USP25: variants seen among roughly 807,000 people sequenced by gnomAD.
USP25 encodes the protein ubiquitin carboxyl-terminal hydrolase 25.
Under a neutral mutation model 158.5 loss-of-function variants are expected in USP25, and 85 were observed. The ratio of observed to expected loss-of-function variants is 0.54; its 90% CI spans 0.45 to 0.64. The LOEUF (loss-of-function observed/expected upper bound fraction) is 0.64. USP25 is among the 30% of genes least tolerant of loss of function. The pLI, the probability that USP25 is intolerant of heterozygous loss-of-function variation, is 0.00. For synonymous variants in USP25, 464 were observed against 460.4 expected (o/e 1.01, Z -0.10); for missense variants, 1,242 against 1,327.3 (o/e 0.94, Z 1.00).
Position 15,837,668 on chromosome 21 carries a change from A to T in USP25, c.2194+4120A>T, listed in dbSNP as rs1601083010. 2.6e-5 allele frequency among the ~76,000 whole-genome samples: 4 copies of T among 152,358 alleles called. No individual in the cohort carries two copies. In the South Asian group the frequency reaches 8.3e-4, roughly 32 times the overall value. ...ATTACTCTTGTCTTATCCAAGAAGT[A>T]TCTGAAGTCCTTACAATATAGCACA... On this transcript the variant is annotated intron_variant, in intron 17 of 25. Transcript: ENST00000400183.
chr21:15,828,877 T>C (rs2037659254), intron 14 of USP25, among the ~76,000 whole-genome samples: 2 of 152,258 alleles, frequency 1.3e-5, no homozygotes, highest in South Asian at 2.1e-4. Flanking sequence ...GACCTTGTTA[T>C]CCGCCCACCT....
chr21:15,849,754 A>C (rs201781404), intron 19 of USP25, 23 bp from the exon 20 acceptor site: 5 of 1,495,828 alleles, frequency 3.3e-6, no homozygotes, highest in Non-Finnish European at 4.4e-6. Flanking sequence ...CCTTTTTTTA[A>C]TGTTAACTAT....
chr21:15,803,873 A>T (rs1269382942), intron 6 of USP25, among the ~76,000 whole-genome samples: 1 of 151,874 alleles, frequency 6.6e-6, no homozygotes, highest in Non-Finnish European at 1.5e-5. Context: ...TTCTAGAAGC[A>T]ATTCTTTCTA....
At chr21:15,867,396 C>A (rs2039703417) in intron 22 of USP25, among the ~76,000 whole-genome samples, 1 of 151,876 alleles carries the variant, frequency 6.6e-6, no homozygotes, top group Non-Finnish European at 1.5e-5. Context: ...TTGATGAAAA[C>A]CTTAGCTAGT....
intron 4 of USP25, among the ~76,000 whole-genome samples, chr21:15,783,260 A>ACAC (rs1405114264): frequency 6.6e-6 from 1 of 152,182 alleles, no homozygotes; most frequent in Non-Finnish European, 1.5e-5. Flanking sequence ...GACTTATCAG[A>ACAC]CACCATTAAG....
Position 15,878,793 on chromosome 21 carries a change from C to A in USP25, c.*318C>A, listed in dbSNP as rs1568924708. 4.3e-6 allele frequency: 1 copy of A among 233,030 alleles called. No homozygotes were observed. Among genetic ancestry groups the A allele is most frequent in the Non-Finnish European group, 8.4e-6 (1 of 118,764 alleles). 14.4% of individuals were successfully genotyped at this position (233,030 alleles called of 1,614,324 possible). A position where few individuals can be genotyped will look rare whatever the true frequency, so the allele number is the denominator to read the frequency against. ...TATCTTTTCTTTCTCAACAGCTTTC[C>A]ATTCAGTCTGGATCCTTCCATGACT... is the stretch of plus-strand genomic sequence containing the variant. On this transcript the variant is annotated 3_prime_UTR_variant, in exon 26 of 26. Coordinates refer to ENST00000400183, the MANE Select transcript of USP25 (RefSeq NM_001283041.3).
Position 15,749,616 on chromosome 21 carries a change from A to T in USP25, c.46-13275A>T, listed in dbSNP as rs80290068. Among the ~76,000 whole-genome samples the T allele has an allele frequency of 5.6e-3, 852 of 152,356 alleles. 11 individuals carry two copies. The highest frequency in any genetic ancestry group is 0.019 in the African/African-American group (799 of 41,588). ...TTAAGCAGACTGAGAAATAGATAAC[A>T]TACAAAAAGCTTTTAAATTGGTAGT... On this transcript the variant is annotated intron_variant, in intron 1 of 25. Transcript: ENST00000400183.
intron 4 of USP25, among the ~76,000 whole-genome samples, chr21:15,785,521 C>T (rs1397293094): frequency 1.3e-5 from 2 of 152,018 alleles, no homozygotes; most frequent in Non-Finnish European, 2.9e-5. Flanking sequence ...ACAAGAAAAA[C>T]GTTAGAAACC....
chr21:15,863,888 T>A (rs529689478), intron 20 of USP25, among the ~76,000 whole-genome samples: 1 of 151,850 alleles, frequency 6.6e-6, no homozygotes, highest in South Asian at 2.1e-4. Context: ...TACAAAAAAT[T>A]TAGCTGGGCG....
intron 16 of USP25, among the ~76,000 whole-genome samples, chr21:15,832,715 A>C (rs1337963016): frequency 6.8e-6 from 1 of 146,010 alleles, no homozygotes; most frequent in East Asian, 2.0e-4. Flanking sequence ...TCACTGTTAG[A>C]GTAGCAAAGA....
intron 9 of USP25, among the ~76,000 whole-genome samples, chr21:15,813,141 G>A (rs1305131908): frequency 6.6e-6 from 1 of 152,000 alleles, no homozygotes; most frequent in Non-Finnish European, 1.5e-5. Context: ...TAACTGTAGT[G>A]GATCATGAAT....
At chr21:15,783,336 A>C (rs1186496378) in intron 4 of USP25, among the ~76,000 whole-genome samples, 1 of 152,186 alleles carries the variant, frequency 6.6e-6, no homozygotes, top group Admixed American at 6.5e-5. Context: ...TAGACCACCC[A>C]TTTGGTTAAA....
intron 22 of USP25, among the ~76,000 whole-genome samples, chr21:15,867,512 C>G (rs911498388): frequency 2.6e-5 from 4 of 151,922 alleles, no homozygotes; most frequent in Admixed American, 2.0e-4. Context: ...GCACTGAAAG[C>G]TTAAAATTTT....
At chr21:15,833,617 T>C (rs892688060) in intron 17 of USP25, 69 bp downstream of exon 17, 13 of 1,381,824 alleles carry the variant, frequency 9.4e-6, no homozygotes, top group Non-Finnish European at 1.2e-5. Context: ...TGCTCATTAT[T>C]AAAAAGTTTT....
At chr21:15,730,999 T>C (rs1368997577) in intron 1 of USP25, among the ~76,000 whole-genome samples, 2 of 143,814 alleles carry the variant, frequency 1.4e-5, no homozygotes, top group African/African-American at 2.7e-5. Flanking sequence ...TTTTTTTTTT[T>C]TTCAATATAG....
chr21:15,866,306 A>G lies in USP25; in HGVS notation c.2767A>G (p.Met923Val). 1 of 1,605,782 alleles carries G rather than the reference A, an allele frequency of 6.2e-7. No individual in the cohort carries two copies. Among genetic ancestry groups the G allele is most frequent in the Non-Finnish European group, 8.5e-7 (1 of 1,176,170 alleles). Reference sequence around the variant, plus strand: ...GAAAGTTGCTCAAGCCAAACTGGAAATGATAAAACCTGAAGAAGTAAACTT... The same window carrying G: ...GAAAGTTGCTCAAGCCAAACTGGAAGTGATAAAACCTGAAGAAGTAAACTT... ...IMKVAQAKLEMIKPEEVNLEE... is the reference protein window; with the variant it reads ...IMKVAQAKLEVIKPEEVNLEE... Residue 923 changes from methionine (M) to valine (V), a missense_variant, in exon 22 of 26, where the codon ATG becomes GTG. By Grantham distance (21) the Met-to-Val change is conservative. Coordinates refer to ENST00000400183, the MANE Select transcript of USP25 (RefSeq NM_001283041.3).
chr21:15,786,589 A>T (rs1019425536), intron 4 of USP25, among the ~76,000 whole-genome samples: 20 of 152,108 alleles, frequency 1.3e-4, no homozygotes, highest in African/African-American at 4.6e-4. Flanking sequence ...CATGATAAAA[A>T]CTCTCAAAAT....
intron 1 of USP25, among the ~76,000 whole-genome samples, chr21:15,751,429 T>C (rs757650950): frequency 2.4e-4 from 36 of 152,254 alleles, no homozygotes; most frequent in Non-Finnish European, 4.1e-4. Context: ...TTCAGAGTTC[T>C]ACTTAGAGCA....
rs1425132962 is a variant in USP25 at position 15,774,304 on chromosome 21, A to G, written c.269-3600A>G. 3.9e-5 allele frequency among the ~76,000 whole-genome samples: 6 copies of G among 152,320 alleles called. No homozygotes were observed. In the East Asian group the frequency reaches 1.2e-3, roughly 29 times the overall value. ...AGATTTCTTTTTAAATGCTTGAAGA[A>G]TGTCTACTATAAGAAAAAGTTGAAT... On this transcript the variant is annotated intron_variant, in intron 3 of 25. Coordinates refer to ENST00000400183, the MANE Select transcript of USP25 (RefSeq NM_001283041.3).
Sources: gnomAD v4.1 joint callset for allele counts (sites outside exome capture counted in the v4.1 genomes callset) on GRCh38, gnomAD v4.1.1 for gene constraint, MANE v1.5 for transcripts, NCBI Gene and HGNC (gene_info 2026-07-23, HGNC 2026-07-21) for gene names.